The following TLE4 variants were observed in gnomAD, a reference collection of about 807,000 sequenced individuals.
TLE4 encodes the protein TLE family member 4, transcriptional corepressor.
Under a neutral mutation model 92.8 loss-of-function variants are expected in TLE4, and 8 were observed. That is an observed-to-expected ratio of 0.09 (90% confidence interval 0.05 to 0.16). TLE4 has a LOEUF of 0.16. Ranked by LOEUF, TLE4 falls within the 10% of genes least tolerant of loss-of-function variation. The probability of loss-of-function intolerance (pLI) is 1.00; values close to 1 mark genes in which losing one functional copy is unlikely to be tolerated. For missense variants in TLE4, 675 were observed against 997.6 expected, an observed-to-expected ratio of 0.68 and a Z score of 4.36; for synonymous variants, 371 against 374.1, an observed-to-expected ratio of 0.99 and a Z score of 0.10.
At chr9:79,621,255 A>C (rs923881715) in intron 5 of TLE4, among the ~76,000 whole-genome samples, 11 of 152,156 alleles carry the variant, frequency 7.2e-5, no homozygotes, top group African/African-American at 2.7e-4. Context: ...CTTGAATTTG[A>C]TCTGCTTGGC....
At chr9:79,673,123 C>T (rs964015697) in intron 8 of TLE4, among the ~76,000 whole-genome samples, 1 of 152,068 alleles carries the variant, frequency 6.6e-6, no homozygotes, top group Non-Finnish European at 1.5e-5. Context: ...CTTTCAGGAA[C>T]GTGGAGGATA....
intron 8 of TLE4, among the ~76,000 whole-genome samples, chr9:79,678,141 C>A (rs1248411872): frequency 6.6e-6 from 1 of 152,012 alleles, no homozygotes; most frequent in Non-Finnish European, 1.5e-5. Context: ...AGAAAAAAAT[C>A]ATGCATAGCC....
chr9:79,724,985 A>G, intron 19 of TLE4, 52 bp from the exon 20 acceptor site: 1 of 1,427,148 alleles, frequency 7.0e-7, no homozygotes, highest in Non-Finnish European at 9.8e-7. Flanking sequence ...CTCCATACTC[A>G]TGGGATTTTC....
chr9:79,646,717 A>G (rs769074612), intron 6 of TLE4, among the ~76,000 whole-genome samples: 2 of 152,178 alleles, frequency 1.3e-5, no homozygotes, highest in African/African-American at 4.8e-5. Flanking sequence ...TCATTTATTA[A>G]TGTATACATT....
chr9:79,675,350 T>C (rs2063096267), intron 8 of TLE4, among the ~76,000 whole-genome samples: 1 of 152,196 alleles, frequency 6.6e-6, no homozygotes, highest in South Asian at 2.1e-4. Context: ...TGGGTGGCAG[T>C]CACAGAAGAA....
At chr9:79,638,833 CAGCTAATAG>C (rs2056542971) in intron 6 of TLE4, among the ~76,000 whole-genome samples, 1 of 152,100 alleles carries the variant, frequency 6.6e-6, no homozygotes, top group Non-Finnish European at 1.5e-5. Context: ...GGGTTTCTTT[CAGCTAATAG>C]CTTCAGAATG....
At chr9:79,660,180 C>G (rs958618923) in intron 8 of TLE4, among the ~76,000 whole-genome samples, 15 of 152,230 alleles carry the variant, frequency 9.9e-5, no homozygotes, top group African/African-American at 3.4e-4. Flanking sequence ...CAACAATCCT[C>G]TCTACCACTG....
chr9:79,708,117 G>A lies in TLE4; in HGVS notation c.937-1G>A. 1 of 1,613,646 alleles carries A rather than the reference G, an allele frequency of 6.2e-7. No individual in the cohort carries two copies. The highest frequency in any genetic ancestry group is 8.5e-7 in the Non-Finnish European group (1 of 1,179,754). The stretch of plus-strand genomic sequence containing the variant: ...TGGTATATGTCATTTCATCTTGTTA[G>A]AATGAAAAATCTACTACTCCCGTCT... On this transcript the variant is annotated splice_acceptor_variant, in intron 11 of 19. Transcript: ENST00000376552. LOFTEE classifies it high-confidence loss of function.
intron 8 of TLE4, among the ~76,000 whole-genome samples, chr9:79,684,459 G>A (rs934984691): frequency 5.1e-5 from 2 of 39,004 alleles, no homozygotes; most frequent in African/African-American, 8.2e-5. Flanking sequence ...ATACTCTATT[G>A]TGAACTGTGC....
At chr9:79,612,999 T>A (rs1300142245) in intron 5 of TLE4, among the ~76,000 whole-genome samples, 1 of 152,128 alleles carries the variant, frequency 6.6e-6, no homozygotes, top group African/African-American at 2.4e-5. Context: ...CTCAGAATTA[T>A]GCTTGTTTGT....
At chr9:79,658,696 C>T (rs1288579481) in intron 8 of TLE4, among the ~76,000 whole-genome samples, 1 of 152,152 alleles carries the variant, frequency 6.6e-6, no homozygotes, top group African/African-American at 2.4e-5. Context: ...ACTTCATACA[C>T]CCCTTTAAGT....
intron 8 of TLE4, 140 bp from the exon 9 acceptor site, chr9:79,704,643 G>A (rs1180497456): frequency 8.3e-6 from 9 of 1,089,524 alleles, no homozygotes; most frequent in Admixed American, 2.7e-5. Flanking sequence ...CGTCTCCTCC[G>A]CTTTCTCCTA....
chr9:79,719,190 A>C (rs116841296), intron 15 of TLE4, among the ~76,000 whole-genome samples: 42 of 152,208 alleles, frequency 2.8e-4, no homozygotes, highest in Non-Finnish European at 5.3e-4. Flanking sequence ...TACTGATTTC[A>C]TTAACTCTGC....
chr9:79,720,384 GTGT>G (rs2075397474), intron 16 of TLE4, 91 bp downstream of exon 16: 1 of 365,164 alleles, frequency 2.7e-6, no homozygotes, highest in South Asian at 5.4e-5. Flanking sequence ...ATGGGTGTGT[GTGT>G]GTGTGTGTGT....
intron 4 of TLE4, among the ~76,000 whole-genome samples, chr9:79,593,811 C>A (rs1281169874): frequency 6.6e-6 from 1 of 151,992 alleles, no homozygotes; most frequent in Non-Finnish European, 1.5e-5. Context: ...AAATACATAC[C>A]ACAAAAAATT....
At chr9:79,606,715 T>C (rs2047082350) in intron 4 of TLE4, among the ~76,000 whole-genome samples, 1 of 152,176 alleles carries the variant, frequency 6.6e-6, no homozygotes, top group East Asian at 1.9e-4. Context: ...CTCGTCTTTT[T>C]TTATGGCTGC....
chr9:79,714,997 A>G (rs759354100), intron 14 of TLE4, among the ~76,000 whole-genome samples: 51 of 152,320 alleles, frequency 3.3e-4, no homozygotes, highest in Non-Finnish European at 1.0e-4. Context: ...TATGTATACT[A>G]ATAGCAAACA....
chr9:79,641,548 A>G (rs2057150256), intron 6 of TLE4, among the ~76,000 whole-genome samples: 2 of 152,196 alleles, frequency 1.3e-5, no homozygotes, highest in South Asian at 4.1e-4. Flanking sequence ...CTTTTACTTC[A>G]CTGGTCACAG....
rs367570785 is a variant in TLE4 at position 79,718,779 on chromosome 9, C to G, written c.1398C>G (p.Pro466=). The change falls in exon 15 of 20, where the codon CCC becomes CCG. Residue 466 remains proline (P), a synonymous_variant. Transcript: ENST00000376552. ...AGATGCAGCCTGTCCCTTTTCCACC[C>G]GACGCCCTCATCGGACCTGGAATCC... The part of the protein sequence containing the change: ...DGQMQPVPFP[P]DALIGPGIPR... 215 of 1,614,140 alleles carry G rather than the reference C, an allele frequency of 1.3e-4. No individual in the cohort carries two copies. In the African/African-American group the frequency reaches 2.5e-3, roughly 19 times the overall value.
Sources: gnomAD v4.1 joint callset for allele counts (sites outside exome capture counted in the v4.1 genomes callset) on GRCh38, gnomAD v4.1.1 for gene constraint, MANE v1.5 for transcripts, NCBI Gene and HGNC (gene_info 2026-07-23, HGNC 2026-07-21) for gene names.